The following ZSCAN5A variants were observed in gnomAD, a reference collection of about 807,000 sequenced individuals.
ZSCAN5A encodes the protein zinc finger and SCAN domain-containing protein 5A.
ZSCAN5A carries 12 observed loss-of-function variants against 23.7 expected under a neutral mutation model. The ratio of observed to expected loss-of-function variants is 0.51; its 90% CI spans 0.32 to 0.82. The LOEUF (loss-of-function observed/expected upper bound fraction) is 0.82, where lower values mean the gene tolerates loss of function less well. ZSCAN5A is among the 40% of genes least tolerant of loss of function. The pLI, the probability that ZSCAN5A is intolerant of heterozygous loss-of-function variation, is 0.03. For synonymous variants in ZSCAN5A, 257 were observed against 239.9 expected (o/e 1.07, Z -0.66); for missense variants, 597 against 617.9 (o/e 0.97, Z 0.36).
At chr19:56,290,411 T>C (rs2039434249) in intron 2 of ZSCAN5A, among the ~76,000 whole-genome samples, 1 of 152,256 alleles carries the variant, frequency 6.6e-6, no homozygotes, top group Non-Finnish European at 1.5e-5. Flanking sequence ...ATTTACTGTC[T>C]GACCCTTTAG....
chr19:56,340,972 T>C (rs1252949598), intron 2 of ZSCAN5A: 1 of 152,180 alleles, frequency 6.6e-6, no homozygotes, highest in Non-Finnish European at 1.5e-5. Flanking sequence ...CAGAATGGGA[T>C]TGTCTTGTGA....
rs190378003 is a variant in ZSCAN5A at position 56,351,628 on chromosome 19, C to G, written c.-358+11607G>C. ...CTTACTTGCTATTAAACTTTTCACTCCTTAAAACTACTCCACATGTGTCCA... is the reference window on the plus strand; with the variant it reads ...CTTACTTGCTATTAAACTTTTCACTGCTTAAAACTACTCCACATGTGTCCA... On this transcript the variant is annotated intron_variant, in intron 2 of 6. Coordinates refer to the ZSCAN5A transcript ENST00000587340. This position sits in a 1 kb window ranked among gnomAD's most constrained non-coding sequence, Gnocchi z 4.8. Among the ~76,000 whole-genome samples, 489 of 152,250 alleles carry G rather than the reference C, an allele frequency of 3.2e-3. 3 individuals are homozygous for G. Among genetic ancestry groups the G allele is most frequent in the Non-Finnish European group, 5.0e-3 (337 of 68,020 alleles).
rs2041695441 is a variant in ZSCAN5A at position 56,355,457 on chromosome 19, A to C, written c.-358+7778T>G. Among the ~76,000 whole-genome samples the C allele has an allele frequency of 1.3e-5, 2 of 148,736 alleles. 1 individual carries two copies. Among genetic ancestry groups the C allele is most frequent in the African/African-American group, 5.1e-5 (2 of 39,504 alleles). The stretch of plus-strand genomic sequence containing the variant: ...ACTCCATGATTTTGAAGATCATGTC[A>C]ATTTTTTTCCCAATTTTTACTGTTT... On this transcript the variant is annotated intron_variant, in intron 2 of 6. Transcript: ENST00000587340.
intron 2 of ZSCAN5A, among the ~76,000 whole-genome samples, chr19:56,259,163 A>C (rs2146835835): frequency 6.6e-6 from 1 of 152,256 alleles, no homozygotes; most frequent in East Asian, 1.9e-4. Context: ...ATACAGCTAC[A>C]GATAACTGGA....
At chr19:56,259,493 C>T (rs1301082508) in intron 2 of ZSCAN5A, among the ~76,000 whole-genome samples, 2 of 152,302 alleles carry the variant, frequency 1.3e-5, no homozygotes, top group East Asian at 1.9e-4. Context: ...CTCGTTTACC[C>T]GTTCTGTCCT....
At chr19:56,243,672 T>A (rs11084437) in intron 2 of ZSCAN5A, among the ~76,000 whole-genome samples, 2 of 151,908 alleles carry the variant, frequency 1.3e-5, no homozygotes, top group East Asian at 3.9e-4. Context: ...GTTGTTCCAA[T>A]TGAAAAAAAA....
rs74727846 is a variant in ZSCAN5A at position 56,293,843 on chromosome 19, C to T, written c.-128+19440G>A. ...CACATCCTACAATGCACAGGACACC[C>T]CACCCCCACAACAAAAAAACTATCC... On this transcript the variant is annotated intron_variant, in intron 2 of 5. Transcript: ENST00000683990. Among the ~76,000 whole-genome samples, 1,151 of 151,968 alleles carry T rather than the reference C, an allele frequency of 7.6e-3. 17 individuals carry two copies. The highest frequency in any genetic ancestry group is 0.026 in the African/African-American group (1,078 of 41,468).
At chr19:56,294,724 G>GC (rs1396698320) in intron 2 of ZSCAN5A, among the ~76,000 whole-genome samples, 2 of 152,174 alleles carry the variant, frequency 1.3e-5, no homozygotes, top group African/African-American at 4.8e-5. Context: ...ATCTACAAAA[G>GC]CAAGTGTCAG....
At chr19:56,257,096 G>A (rs2036755718) in intron 2 of ZSCAN5A, among the ~76,000 whole-genome samples, 1 of 152,146 alleles carries the variant, frequency 6.6e-6, no homozygotes, top group African/African-American at 2.4e-5. Context: ...TTCTAGCGGG[G>A]TTAGATAGCC....
chr19:56,366,080 A>G (rs2041762406), intron 1 of ZSCAN5A: 1 of 152,250 alleles, frequency 6.6e-6, no homozygotes, highest in Admixed American at 6.5e-5. Flanking sequence ...ACCTGGAAGA[A>G]GGAAAATAAA....
intron 2 of ZSCAN5A, chr19:56,343,398 G>A (rs932172665): frequency 1.8e-6 from 1 of 541,138 alleles, no homozygotes; most frequent in Admixed American, 2.1e-5. Flanking sequence ...GTGCCATGCA[G>A]CAATTTGTGA....
At chr19:56,311,170 C>A (rs902223873) in intron 2 of ZSCAN5A, among the ~76,000 whole-genome samples, 1 of 152,092 alleles carries the variant, frequency 6.6e-6, no homozygotes, top group Non-Finnish European at 1.5e-5. Context: ...GAGACACAGG[C>A]ATGCTTGCAA....
At chr19:56,231,172 C>A (rs1023160427) in intron 2 of ZSCAN5A, among the ~76,000 whole-genome samples, 4 of 152,024 alleles carry the variant, frequency 2.6e-5, no homozygotes, top group African/African-American at 9.7e-5. Flanking sequence ...GTGATCACGC[C>A]ACTGCACTCC....
chr19:56,260,183 G>C (rs1225200183), intron 2 of ZSCAN5A, among the ~76,000 whole-genome samples: 3 of 149,394 alleles, frequency 2.0e-5, no homozygotes, highest in Non-Finnish European at 4.5e-5. Context: ...GAAATATATA[G>C]ATTTTGTTTT....
chr19:56,350,338 G>C (rs191934814), intron 2 of ZSCAN5A, among the ~76,000 whole-genome samples: 36 of 152,238 alleles, frequency 2.4e-4, no homozygotes, highest in Admixed American at 5.9e-4. Context: ...GTAAATTCTT[G>C]TACTAAAGGG....
chr19:56,302,580 CCCCTTTTCTTCCTCT>C (rs55713318), intron 2 of ZSCAN5A, among the ~76,000 whole-genome samples: 19,442 of 77,118 alleles, frequency 0.25, 3,053 homozygotes, highest in African/African-American at 0.5. Context: ...TTTCTTCCTC[CCCCTTTTCTTCCTCT>C]CCCTCTTCTT....
At chr19:56,361,770 G>C (rs1328377095) in intron 2 of ZSCAN5A, among the ~76,000 whole-genome samples, 3 of 152,132 alleles carry the variant, frequency 2.0e-5, no homozygotes, top group Non-Finnish European at 4.4e-5. Flanking sequence ...TTAATACCTA[G>C]GTGATGGGTT....
At chr19:56,239,053 A>C (rs903656983) in intron 2 of ZSCAN5A, among the ~76,000 whole-genome samples, 1 of 152,206 alleles carries the variant, frequency 6.6e-6, no homozygotes, top group Non-Finnish European at 1.5e-5. Flanking sequence ...TTTTTGGCAA[A>C]ATGACCTTGT....
chr19:56,244,396 G>T, intron 2 of ZSCAN5A: 1 of 1,574,814 alleles, frequency 6.3e-7, no homozygotes, highest in Non-Finnish European at 8.6e-7. Context: ...TGGAGGACCT[G>T]CTACGAAATA....
Sources: allele counts gnomAD v4.1 joint callset (sites outside exome capture counted in the v4.1 genomes callset), GRCh38; gene constraint gnomAD v4.1.1; non-coding constraint Gnocchi (gnomAD v3.1); transcripts MANE v1.5; gene names NCBI Gene and HGNC (gene_info 2026-07-23, HGNC 2026-07-21).